TENM2: variants seen among roughly 807,000 people sequenced by gnomAD.
TENM2 encodes the protein teneurin-2.
In TENM2, 52 loss-of-function variants were observed where a neutral mutation model predicts 245.2. That is an observed-to-expected ratio of 0.21 (90% CI 0.17 to 0.27). The LOEUF (loss-of-function observed/expected upper bound fraction) is 0.27. Among genes scored for constraint, TENM2 ranks in the 10% least tolerant of loss-of-function variants. The pLI is 1.00. For synonymous variants in TENM2, 1,363 were observed against 1,438.9 expected, an observed-to-expected ratio of 0.95 and a Z score of 1.19; for missense variants, 3,046 against 3,666.8, an observed-to-expected ratio of 0.83 and a Z score of 4.37.
intron 1 of TENM2, among the ~76,000 whole-genome samples, chr5:167,368,617 A>T (rs1760206400): frequency 6.6e-6 from 1 of 152,160 alleles, no homozygotes; most frequent in African/African-American, 2.4e-5. Flanking sequence ...CTGTTATAGT[A>T]AGCCTCTTCT....
intron 5 of TENM2, among the ~76,000 whole-genome samples, chr5:168,012,648 A>AG (rs1491278620): frequency 8.3e-6 from 1 of 119,886 alleles, no homozygotes; most frequent in Admixed American, 9.6e-5. Flanking sequence ...ACTCTGTCTC[A>AG]AAAAAAAAAA....
chr5:168,197,343 A>G (rs73385749), intron 15 of TENM2, among the ~76,000 whole-genome samples: 3,491 of 152,246 alleles, frequency 0.023, 125 homozygotes, highest in African/African-American at 0.077. Context: ...CTGTGATCCA[A>G]GTACTCTTAG....
rs995005645 is a variant in TENM2, at chr5:167,884,103, G to A, written c.712+7908G>A. On this transcript the variant is annotated intron_variant, in intron 3 of 28. Coordinates refer to ENST00000518659, the Ensembl canonical transcript of TENM2. Reference sequence around the variant, plus strand: ...TTTTGTCTGTAAAACAACAATAAGTGTCTACAAGTCCTAAAGCTGTTATAA... The same window carrying A: ...TTTTGTCTGTAAAACAACAATAAGTATCTACAAGTCCTAAAGCTGTTATAA... Among the ~76,000 whole-genome samples, 8 of 152,210 alleles carry A rather than the reference G, an allele frequency of 5.3e-5. No individual in the cohort carries two copies. The East Asian group carries it at 1.2e-3, about 22-fold the overall frequency.
At chr5:167,339,166 A>G (rs1757950472) in intron 1 of TENM2, among the ~76,000 whole-genome samples, 1 of 152,246 alleles carries the variant, frequency 6.6e-6, no homozygotes, top group South Asian at 2.1e-4. Context: ...TCATCTAAAT[A>G]GTATCTAAAT....
At chr5:167,461,217 G>A (rs1217516640) in intron 2 of TENM2, among the ~76,000 whole-genome samples, 2 of 151,436 alleles carry the variant, frequency 1.3e-5, no homozygotes, top group Non-Finnish European at 2.9e-5. Context: ...AGAAAGTTGA[G>A]CTCTTTTTTT....
At chr5:167,311,234 C>T (rs2127754125) in intron 1 of TENM2, among the ~76,000 whole-genome samples, 1 of 152,240 alleles carries the variant, frequency 6.6e-6, no homozygotes, top group South Asian at 2.1e-4. Context: ...TTGCGCTGTA[C>T]TCCTTTTTGC....
chr5:167,532,411 C>T (rs1052205376), intron 2 of TENM2, among the ~76,000 whole-genome samples: 8 of 151,996 alleles, frequency 5.3e-5, no homozygotes, highest in African/African-American at 1.5e-4. Context: ...AATGGACTTA[C>T]AGTTCCATGT....
intron 3 of TENM2, among the ~76,000 whole-genome samples, chr5:167,946,601 G>A (rs1337061358): frequency 6.6e-6 from 1 of 152,180 alleles, no homozygotes; most frequent in Non-Finnish European, 1.5e-5. Context: ...GTATTTGCTA[G>A]GCATATATCA....
chr5:167,897,968 C>T (rs1234603391), intron 3 of TENM2, among the ~76,000 whole-genome samples: 4 of 151,198 alleles, frequency 2.6e-5, no homozygotes, highest in South Asian at 4.2e-4. Context: ...AACTCCAGCC[C>T]CTTCGTGGTG....
the TENM2 span, among the ~76,000 whole-genome samples, chr5:167,069,414 T>C: frequency 6.6e-6 from 1 of 152,222 alleles, no homozygotes; most frequent in African/African-American, 2.4e-5. Flanking sequence ...ATGTCAATAA[T>C]GCTTAATTAT....
chr5:167,795,100 G>A (rs1765226991), intron 2 of TENM2, among the ~76,000 whole-genome samples: 2 of 152,188 alleles, frequency 1.3e-5, no homozygotes, highest in South Asian at 2.1e-4. Context: ...GGGTAGATGA[G>A]TGAAAATTAC....
At chr5:167,351,853 CAA>C (rs71591177) in intron 1 of TENM2, among the ~76,000 whole-genome samples, 7 of 148,862 alleles carry the variant, frequency 4.7e-5, no homozygotes, top group Non-Finnish European at 7.5e-5. Context: ...AACAAAAAAA[CAA>C]AAAAAAAAAT....
chr5:168,181,713 G>A (rs1179719655), intron 13 of TENM2, among the ~76,000 whole-genome samples: 1 of 95,400 alleles, frequency 1.0e-5, no homozygotes, highest in Non-Finnish European at 1.9e-5. Flanking sequence ...GTCTCGCTTT[G>A]TCACCCAGGC....
intron 4 of TENM2, among the ~76,000 whole-genome samples, chr5:167,971,429 G>C (rs1042740102): frequency 6.6e-6 from 1 of 152,206 alleles, no homozygotes; most frequent in South Asian, 2.1e-4. Flanking sequence ...AGCTGGACGC[G>C]GTGCCTCACA....
chr5:167,505,101 A>C (rs1425247686), intron 2 of TENM2, among the ~76,000 whole-genome samples: 1 of 152,124 alleles, frequency 6.6e-6, no homozygotes, highest in Non-Finnish European at 1.5e-5. Flanking sequence ...TATTCCATTA[A>C]CATGGATGAT....
At chr5:167,118,160 T>G in the TENM2 span, among the ~76,000 whole-genome samples, 1 of 152,216 alleles carries the variant, frequency 6.6e-6, no homozygotes, top group Admixed American at 6.5e-5. Flanking sequence ...TGTAGGCTAT[T>G]TGATATTCTA....
the TENM2 span, among the ~76,000 whole-genome samples, chr5:167,181,172 G>A: frequency 2.0e-5 from 3 of 151,930 alleles, no homozygotes; most frequent in Non-Finnish European, 2.9e-5. Context: ...AGAAAATTTC[G>A]GCACAGCAGT....
intron 16 of TENM2, 85 bp downstream of exon 18, chr5:168,199,199 A>T (rs1390093707): frequency 1.4e-6 from 2 of 1,399,996 alleles, no homozygotes; most frequent in Non-Finnish European, 1.9e-6. Flanking sequence ...AGTGGACCAG[A>T]AACTAATATT....
intron 5 of TENM2, among the ~76,000 whole-genome samples, chr5:168,044,542 C>T (rs937503698): frequency 6.6e-5 from 10 of 152,176 alleles, no homozygotes; most frequent in South Asian, 2.1e-4. Context: ...TAACATCCTA[C>T]AATCCAACCC....
Sources: gnomAD v4.1 joint callset for allele counts (sites outside exome capture counted in the v4.1 genomes callset) on GRCh38, gnomAD v4.1.1 for gene constraint, MANE v1.5 for transcripts, NCBI Gene and HGNC (gene_info 2026-07-23, HGNC 2026-07-21) for gene names.